Variants in TTLL8 observed in about 807,000 individuals in gnomAD.
TTLL8 encodes the protein tubulin tyrosine ligase like 8, also known as protein monoglycylase TTLL8.
Under a neutral mutation model 77.8 loss-of-function variants are expected in TTLL8, and 65 were observed. That is an observed-to-expected ratio of 0.84 (90% CI 0.68 to 1.03). The LOEUF is 1.03. Among genes scored for constraint, TTLL8 ranks in the 50% least tolerant of loss-of-function variants. The pLI, the probability that TTLL8 is intolerant of heterozygous loss-of-function variation, is 0.00. For synonymous variants in TTLL8, 402 were observed against 422.8 expected (o/e 0.95, Z 0.60); for missense variants, 910 against 1,004.5 (o/e 0.91, Z 1.27).
intron 10 of TTLL8, 31 bp from the exon 12 acceptor site, chr22:50,032,140 C>T: frequency 2.3e-6 from 3 of 1,328,522 alleles, no homozygotes; most frequent in Non-Finnish European, 3.0e-6. Flanking sequence ...AGGTGCTCAG[C>T]CTCCCTTGGC....
Position 50,030,528 on chromosome 22 carries a change from CT to C in TTLL8, c.2104del (p.Ser702AlafsTer7). 7.5e-7 allele frequency: 1 copy of C among 1,331,162 alleles called. No individual in the cohort carries two copies. 82.5% of individuals were successfully genotyped at this position (1,331,162 alleles called of 1,614,324 possible). Reference sequence around the variant, plus strand: ...CGCATTTAGCTGGTTTGGATCCCAGCTTTTGGCGGGCTGGGCTACGGGGACA... The same window carrying C: ...CGCATTTAGCTGGTTTGGATCCCAGCTTTGGCGGGCTGGGCTACGGGGACA... On this transcript the variant is annotated frameshift_variant, in exon 12 of 14. Coordinates refer to ENST00000266182, the Ensembl canonical transcript of TTLL8. LOFTEE classifies it high-confidence loss of function.
At chr22:50,027,930 G>T (rs936905517) in intron 12 of TTLL8, among the ~76,000 whole-genome samples, 1 of 152,232 alleles carries the variant, frequency 6.6e-6, no homozygotes, top group Non-Finnish European at 1.5e-5. Context: ...TGGCAACTGC[G>T]GCAGGAACCT....
At chr22:50,033,090 A>G in intron 10 of TTLL8, 112 bp downstream of exon 11, 6 of 1,202,262 alleles carry the variant, frequency 5.0e-6, no homozygotes, top group Non-Finnish European at 6.5e-6. Context: ...TCGTGGTGGC[A>G]GGTGGCAGTG....
upstream of TTLL8, among the ~76,000 whole-genome samples, chr22:50,057,813 G>A (rs2061492268): frequency 6.6e-6 from 1 of 151,412 alleles, no homozygotes; most frequent in African/African-American, 2.4e-5. Flanking sequence ...GGTTAATGAG[G>A]AGAGGTATGG....
At chr22:50,057,608 C>CT (rs2061488446), upstream of TTLL8, among the ~76,000 whole-genome samples, 1 of 18,200 alleles carries the variant, frequency 5.5e-5, no homozygotes, top group Admixed American at 9.4e-4. Context: ...TTGGGTTGAG[C>CT]GGGAGGTCTG....
chr22:50,045,421 T>C (rs8138121), intron 5 of TTLL8, 32 bp from the exon 8 acceptor site: 538,435 of 1,359,912 alleles, frequency 0.4, 111,275 homozygotes, highest in Non-Finnish European at 0.43. Context: ...GCCCTATCTG[T>C]CCGAGCCAGG....
chr22:50,033,146 T>C, intron 10 of TTLL8, 56 bp downstream of exon 11: 6 of 1,288,984 alleles, frequency 4.7e-6, no homozygotes, highest in South Asian at 1.3e-5. Flanking sequence ...GCTCCAGGCA[T>C]GCAGGCAGCA....
chr22:50,030,474 A>G (rs747723564), exon 12 of TTLL8: 3 of 1,345,530 alleles, frequency 2.2e-6, no homozygotes, highest in Admixed American at 4.0e-5. Context: ...TGCTGTCTTC[A>G]GGCCCCGCAG....
upstream of TTLL8, among the ~76,000 whole-genome samples, chr22:50,057,289 G>A (rs2061477276): frequency 7.0e-6 from 1 of 143,722 alleles, no homozygotes; most frequent in Non-Finnish European, 1.5e-5. Context: ...TGGGGGTCAG[G>A]TCTGGGTTTG....
chr22:50,033,521 G>C (rs556733516), intron 9 of TTLL8, 76 bp from the exon 11 acceptor site: 1 of 1,269,266 alleles, frequency 7.9e-7, no homozygotes, highest in South Asian at 1.3e-5. Context: ...CCCTGGGGCA[G>C]GGTCGCAGCT....
At chr22:50,039,388 T>C (rs1336188612) in intron 8 of TTLL8, among the ~76,000 whole-genome samples, 2 of 152,078 alleles carry the variant, frequency 1.3e-5, no homozygotes, top group African/African-American at 4.8e-5. Flanking sequence ...ACTGGAGCCC[T>C]GGAAGGAGAG....
intron 3 of TTLL8, 28 bp downstream of exon 5, chr22:50,049,221 C>A: frequency 7.3e-7 from 1 of 1,367,386 alleles, no homozygotes; most frequent in Non-Finnish European, 9.8e-7. Flanking sequence ...GAGGCCGCAG[C>A]TGACCATGAC....
Position 50,043,193 on chromosome 22 carries a change from GGATA to G in TTLL8, c.644-1390_644-1387del, listed in dbSNP as rs200544194. Among the ~76,000 whole-genome samples, 1,339 of 151,164 alleles carry G rather than the reference GGATA, an allele frequency of 8.9e-3. 8 individuals are homozygous for G. The highest frequency in any genetic ancestry group is 0.013 in the Non-Finnish European group (894 of 67,708). On this transcript the variant is annotated intron_variant, in intron 6 of 13. Coordinates refer to ENST00000266182, the Ensembl canonical transcript of TTLL8. ...GGTGCCGACATGTCCTTCAGTAGATGGATAGATAGATAAACAGTGGTGCCGACAT... is the reference window on the plus strand; with the variant it reads ...GGTGCCGACATGTCCTTCAGTAGATGGATAGATAAACAGTGGTGCCGACAT...
chr22:50,030,198 C>G (rs2061276369), intron 12 of TTLL8: 1 of 985,454 alleles, frequency 1.0e-6, no homozygotes, highest in Middle Eastern at 5.2e-4. Context: ...CCACCATCCA[C>G]CTGGCCGGCA....
At chr22:50,022,097 C>CGAT (rs2061205965) in intron 12 of TTLL8, among the ~76,000 whole-genome samples, 1 of 141,772 alleles carries the variant, frequency 7.1e-6, no homozygotes. Context: ...CTCCATCTGA[C>CGAT]GTGCACTCCT....
chr22:50,053,140 T>C (rs1443907754), intron 1 of TTLL8, among the ~76,000 whole-genome samples: 1 of 150,256 alleles, frequency 6.7e-6, no homozygotes, highest in Non-Finnish European at 1.5e-5. Flanking sequence ...GAGAATCGCT[T>C]GAACCTGGAA....
Position 50,051,987 on chromosome 22 carries a change from A to C in TTLL8, c.52-1740T>G, listed in dbSNP as rs183196215. Reference sequence around the variant, plus strand: ...ACAGCGGACGAAGCGGCACAATTACAGCTGTAGCTGGGAACCCTGAGTCTG... The same window carrying C: ...ACAGCGGACGAAGCGGCACAATTACCGCTGTAGCTGGGAACCCTGAGTCTG... On this transcript the variant is annotated intron_variant, in intron 1 of 13. Transcript: ENST00000266182. Among the ~76,000 whole-genome samples the C allele has an allele frequency of 2.4e-3, 353 of 144,800 alleles. 1 individual carries two copies. Among genetic ancestry groups the C allele is most frequent in the Non-Finnish European group, 3.5e-3 (222 of 63,958 alleles). The allele number at this position is 144,800 out of a possible 152,430, so 95.0% of individuals were successfully genotyped here. A position where few individuals can be genotyped will look rare whatever the true frequency, so the allele number is the denominator to read the frequency against.
Position 50,046,035 on chromosome 22 carries a change from G to C in TTLL8, c.394-65C>G, listed in dbSNP as rs549528202. ...AGCTCAGCTCTGCCTCGCTCACAAG[G>C]CGAGGACGGGCCGTCCACCTCAGAC... is the stretch of plus-strand genomic sequence containing the variant. On this transcript the variant is annotated intron_variant, in intron 4 of 13. Transcript: ENST00000266182. 3,496 of 1,280,246 alleles carry C rather than the reference G, an allele frequency of 2.7e-3. 8 individuals carry two copies. Among genetic ancestry groups the C allele is most frequent in the Middle Eastern group, 6.0e-3 (24 of 3,976 alleles). The allele number at this position is 1,280,246 out of a possible 1,614,324, so 79.3% of individuals were successfully genotyped here.
At chr22:50,031,613 G>C in intron 11 of TTLL8, 73 bp downstream of exon 12, 1 of 1,205,982 alleles carries the variant, frequency 8.3e-7, no homozygotes, top group Non-Finnish European at 1.1e-6. Flanking sequence ...CTCCACCCTC[G>C]CCCAGTGACC....
Sources: allele counts gnomAD v4.1 joint callset (sites outside exome capture counted in the v4.1 genomes callset), GRCh38; gene constraint gnomAD v4.1.1; transcripts MANE v1.5; gene names NCBI Gene and HGNC (gene_info 2026-07-23, HGNC 2026-07-21).